Variants in TANK observed in about 807,000 individuals in gnomAD.
The protein encoded by TANK is TRAF family member-associated NF-kappa-B activator.
In TANK, 15 loss-of-function variants were observed where a neutral mutation model predicts 43.6. That is an observed-to-expected ratio of 0.34 (90% CI 0.23 to 0.53). The LOEUF (loss-of-function observed/expected upper bound fraction) is 0.53, where lower values mean the gene tolerates loss of function less well. TANK is among the 20% of genes least tolerant of loss of function. The pLI, the probability that TANK is intolerant of heterozygous loss-of-function variation, is 0.94. For missense variants in TANK, 417 were observed against 498.6 expected (o/e 0.84, Z 1.56); for synonymous variants, 162 against 178.2 (o/e 0.91, Z 0.73).
At chr2:161,182,198 A>G (rs547763321) in intron 2 of TANK, among the ~76,000 whole-genome samples, 1 of 152,244 alleles carries the variant, frequency 6.6e-6, no homozygotes, top group South Asian at 2.1e-4. Context: ...AATTGTGACC[A>G]AATGTGTGTG....
chr2:161,142,341 T>C (rs1217328365), intron 1 of TANK, among the ~76,000 whole-genome samples: 1 of 152,206 alleles, frequency 6.6e-6, no homozygotes, highest in Non-Finnish European at 1.5e-5. Flanking sequence ...ATCTGATTTG[T>C]CAATTTTGGC....
chr2:161,198,125 C>T (rs1686239889), intron 2 of TANK, among the ~76,000 whole-genome samples: 1 of 152,118 alleles, frequency 6.6e-6, no homozygotes, highest in Non-Finnish European at 1.5e-5. Flanking sequence ...TGAAATTATA[C>T]AGTTATATGC....
At chr2:161,178,589 G>A (rs911565017) in intron 1 of TANK, among the ~76,000 whole-genome samples, 1 of 152,036 alleles carries the variant, frequency 6.6e-6, no homozygotes, top group African/African-American at 2.4e-5. Flanking sequence ...TGATGGTGAT[G>A]CTTGCACAAC....
intron 7 of TANK, among the ~76,000 whole-genome samples, chr2:161,232,022 TCTA>T (rs1052915001): frequency 6.6e-6 from 1 of 152,236 alleles, no homozygotes; most frequent in Non-Finnish European, 1.5e-5. Context: ...AGTGAATACT[TCTA>T]CTACATCTTC....
chr2:161,222,292 G>A (rs999642153), intron 4 of TANK, among the ~76,000 whole-genome samples: 4 of 151,712 alleles, frequency 2.6e-5, no homozygotes, highest in Admixed American at 1.3e-4. Context: ...TTGCTCTGTC[G>A]CCCAGGCTGG....
chr2:161,230,392 CCA>C (rs1030270055), intron 6 of TANK, among the ~76,000 whole-genome samples: 1 of 152,098 alleles, frequency 6.6e-6, no homozygotes, highest in African/African-American at 2.4e-5. Flanking sequence ...ATCTATTCAT[CCA>C]CAGTTTTCTT....
intron 1 of TANK, among the ~76,000 whole-genome samples, chr2:161,140,994 G>A (rs1283407631): frequency 6.6e-6 from 1 of 151,852 alleles, no homozygotes; most frequent in Non-Finnish European, 1.5e-5. Flanking sequence ...ACCAATATGG[G>A]TACATTATTA....
In TANK at chr2:161,224,646, G is replaced by T. The variant is rs984878389; in HGVS notation, c.420G>T (p.Lys140Asn). 13 of 1,561,046 alleles carry T rather than the reference G, an allele frequency of 8.3e-6. 1 individual carries two copies. Among genetic ancestry groups the T allele is most frequent in the Middle Eastern group, 1.7e-4 (1 of 5,830 alleles). Residue 140 changes from lysine (K) to asparagine (N), a missense_variant, in exon 6 of 8, where the codon AAG becomes AAT. By Grantham distance (94) the Lys-to-Asn change is moderately conservative (BLOSUM62 0). Transcript: ENST00000392749. ...PLLHERGNIE[K>N]TFWDLKEEFH... ...TTTTTTTTAGGGGTAATATAGAGAA[G>T]ACTTTCTGGGATCTGAAAGAAGAAT...
chr2:161,213,565 GCAC>G (rs1302319835), intron 4 of TANK, among the ~76,000 whole-genome samples: 1 of 146,392 alleles, frequency 6.8e-6, no homozygotes, highest in African/African-American at 2.6e-5. Flanking sequence ...TCACACCACT[GCAC>G]TCCAGCCTGG....
At chr2:161,210,695 C>G (rs891179502) in intron 4 of TANK, among the ~76,000 whole-genome samples, 23 of 125,358 alleles carry the variant, frequency 1.8e-4, no homozygotes, top group Middle Eastern at 4.3e-3. Flanking sequence ...GAAACTCCGT[C>G]TAAAAAAAAA....
chr2:161,163,356 A>G (rs142489092), intron 1 of TANK: 31 of 152,340 alleles, frequency 2.0e-4, no homozygotes, highest in African/African-American at 7.2e-4. Context: ...AGTCTGGGAC[A>G]CGGTAATGTC....
intron 2 of TANK, among the ~76,000 whole-genome samples, chr2:161,188,378 AATATC>A (rs1484925640): frequency 1.3e-5 from 2 of 152,168 alleles, no homozygotes; most frequent in African/African-American, 4.8e-5. Context: ...AAAAGTTAAA[AATATC>A]ATAAAAGAGT....
intron 2 of TANK, among the ~76,000 whole-genome samples, chr2:161,184,772 G>A (rs1200297002): frequency 6.6e-6 from 1 of 152,094 alleles, no homozygotes; most frequent in African/African-American, 2.4e-5. Flanking sequence ...TTTGGGGTAG[G>A]GAAATAAGAT....
chr2:161,192,847 A>G (rs1685979513), intron 2 of TANK, among the ~76,000 whole-genome samples: 1 of 152,224 alleles, frequency 6.6e-6, no homozygotes, highest in Non-Finnish European at 1.5e-5. Flanking sequence ...TTCCAATCTA[A>G]GTTGCAGAAT....
intron 2 of TANK, among the ~76,000 whole-genome samples, chr2:161,185,487 T>G (rs1685616068): frequency 6.6e-6 from 1 of 151,086 alleles, no homozygotes; most frequent in Non-Finnish European, 1.5e-5. Flanking sequence ...GGTTTTTTGT[T>G]TTTTTTTTCT....
At chr2:161,173,327 G>T (rs1220469055) in intron 1 of TANK, among the ~76,000 whole-genome samples, 1 of 152,068 alleles carries the variant, frequency 6.6e-6, no homozygotes, top group Admixed American at 6.6e-5. Flanking sequence ...CCATATTAAT[G>T]ACTTTTCAGG....
At chr2:161,139,858 AGTG>A (rs1185097827) in intron 1 of TANK, 1 of 985,332 alleles carries the variant, frequency 1.0e-6, no homozygotes, top group Non-Finnish European at 1.2e-6. Context: ...CTATTATGAC[AGTG>A]CTAGCTGCAG....
chr2:161,213,613 A>G (rs1686990040), intron 4 of TANK, among the ~76,000 whole-genome samples: 1 of 151,760 alleles, frequency 6.6e-6, no homozygotes, highest in African/African-American at 2.4e-5. Flanking sequence ...AAAAAAAAAA[A>G]AAGAAAATTT....
intron 4 of TANK, chr2:161,208,183 ACT>A: frequency 1.0e-6 from 1 of 985,374 alleles, no homozygotes; most frequent in Non-Finnish European, 1.2e-6. Context: ...GCAAATAGCC[ACT>A]CTGGCTGCCT....
Sources: allele counts gnomAD v4.1 joint callset (sites outside exome capture counted in the v4.1 genomes callset), GRCh38; gene constraint gnomAD v4.1.1; transcripts MANE v1.5; gene names NCBI Gene and HGNC (gene_info 2026-07-23, HGNC 2026-07-21).